Variants in MYH15 observed in about 807,000 individuals in gnomAD.
The protein encoded by MYH15 is myosin heavy chain 15, also known as myosin-15.
Under a neutral mutation model 240.5 loss-of-function variants are expected in MYH15, and 227 were observed. The ratio of observed to expected loss-of-function variants is 0.94; its 90% CI spans 0.85 to 1.05. The LOEUF (loss-of-function observed/expected upper bound fraction) is 1.05, where lower values mean the gene tolerates loss of function less well. Among genes scored for constraint, MYH15 ranks in the 50% least tolerant of loss-of-function variants. The pLI is 0.00. For missense variants in MYH15, 2,217 were observed against 2,247.5 expected (o/e 0.99, Z 0.27); for synonymous variants, 785 against 796.7 (o/e 0.99, Z 0.25).
the MYH15 span, among the ~76,000 whole-genome samples, chr3:108,544,160 T>C: frequency 6.6e-5 from 10 of 152,208 alleles, no homozygotes; most frequent in African/African-American, 2.4e-4. Flanking sequence ...AGACAAGTTC[T>C]TTGCATGTTA....
At chr3:108,411,407 G>A (rs1339477206) in intron 30 of MYH15, among the ~76,000 whole-genome samples, 1 of 152,106 alleles carries the variant, frequency 6.6e-6, no homozygotes, top group Non-Finnish European at 1.5e-5. Context: ...CTCTCATCAT[G>A]TGGCTCCTCA....
At chr3:108,477,849 T>C (rs1268792173) in intron 11 of MYH15, among the ~76,000 whole-genome samples, 2 of 152,046 alleles carry the variant, frequency 1.3e-5, no homozygotes, top group Non-Finnish European at 2.9e-5. Context: ...GAAAAGTAAA[T>C]AGGCATGTAT....
intron 28 of MYH15, among the ~76,000 whole-genome samples, chr3:108,417,880 T>C (rs1315378768): frequency 1.3e-5 from 2 of 152,110 alleles, no homozygotes; most frequent in African/African-American, 4.8e-5. Flanking sequence ...CATGCATATA[T>C]CTTTTTATAA....
At chr3:108,472,471 T>G (rs1321142588) in intron 12 of MYH15, among the ~76,000 whole-genome samples, 1 of 152,172 alleles carries the variant, frequency 6.6e-6, no homozygotes, top group East Asian at 1.9e-4. Flanking sequence ...TCCACAGTAA[T>G]CCATAAGCCG....
chr3:108,529,176 C>G, intron 1 of MYH15: 1 of 1,278,580 alleles, frequency 7.8e-7, no homozygotes, highest in Non-Finnish European at 1.1e-6. Context: ...TGATTAAGAC[C>G]ATCAAGAATA....
upstream of MYH15, among the ~76,000 whole-genome samples, chr3:108,513,865 C>T (rs2083539193): frequency 6.6e-6 from 1 of 152,206 alleles, no homozygotes; most frequent in African/African-American, 2.4e-5. Flanking sequence ...TCATCATGTA[C>T]ATGACATAAT....
intron 1 of MYH15, among the ~76,000 whole-genome samples, chr3:108,525,997 T>C (rs1255600871): frequency 1.3e-5 from 2 of 151,942 alleles, no homozygotes; most frequent in African/African-American, 2.4e-5. Context: ...AGTAGTGATA[T>C]GGAAAAAAAA....
At chr3:108,390,784 CTT>C (rs1460404691) in intron 37 of MYH15, among the ~76,000 whole-genome samples, 1 of 151,982 alleles carries the variant, frequency 6.6e-6, no homozygotes, top group African/African-American at 2.4e-5. Flanking sequence ...GAGTTTTTTT[CTT>C]TGACTTAAAC....
At chr3:108,523,018 A>C (rs1361530517) in intron 1 of MYH15, among the ~76,000 whole-genome samples, 1 of 152,102 alleles carries the variant, frequency 6.6e-6, no homozygotes, top group Non-Finnish European at 1.5e-5. Context: ...GAACAAGAAC[A>C]TTTGCGAAAG....
At chr3:108,513,585 AT>A (rs1362731304), upstream of MYH15, among the ~76,000 whole-genome samples, 1 of 152,062 alleles carries the variant, frequency 6.6e-6, no homozygotes, top group Non-Finnish European at 1.5e-5. Context: ...ACCTGGACCT[AT>A]TTTTTCTTAC....
chr3:108,449,924 T>C (rs954233571), intron 21 of MYH15, among the ~76,000 whole-genome samples: 1 of 152,002 alleles, frequency 6.6e-6, no homozygotes, highest in African/African-American at 2.4e-5. Flanking sequence ...GATAGACATT[T>C]CTCAAAAGAC....
At position 108,427,639 on chromosome 3, in the gene MYH15, G is replaced by C. The variant is rs200259190; in HGVS notation, c.3702+853C>G. ...CACAACACACACACACACACACAGAGAGAGAGAGAGAGAGAGAAAGAGAGA... is the reference window on the plus strand; with the variant it reads ...CACAACACACACACACACACACAGACAGAGAGAGAGAGAGAGAAAGAGAGA... On this transcript the variant is annotated intron_variant, in intron 27 of 40. Transcript: ENST00000693548. 3.9e-3 allele frequency among the ~76,000 whole-genome samples: 399 copies of C among 102,754 alleles called. 3 individuals carry two copies. The highest frequency in any genetic ancestry group is 0.012 in the African/African-American group (355 of 30,622). 67.4% of individuals were successfully genotyped at this position (102,754 alleles called of 152,430 possible).
At chr3:108,443,632 G>A (rs116726312) in intron 22 of MYH15, among the ~76,000 whole-genome samples, 19 of 152,144 alleles carry the variant, frequency 1.2e-4, no homozygotes, top group African/African-American at 4.3e-4. Flanking sequence ...GTAATGACAC[G>A]TTAGCATCAT....
At chr3:108,525,635 T>C (rs1391977314) in intron 1 of MYH15, among the ~76,000 whole-genome samples, 1 of 152,150 alleles carries the variant, frequency 6.6e-6, no homozygotes, top group Admixed American at 6.6e-5. Flanking sequence ...CGAGTGGCTG[T>C]ATTCAAATGA....
intron 31 of MYH15, 57 bp downstream of exon 31, chr3:108,410,526 C>T: frequency 7.7e-7 from 1 of 1,297,120 alleles, no homozygotes; most frequent in Non-Finnish European, 1.1e-6. Flanking sequence ...TGCCTGTAGC[C>T]AGGGCTCTTC....
At chr3:108,388,842 A>T in intron 38 of MYH15, 128 bp downstream of exon 38, 1 of 705,442 alleles carries the variant, frequency 1.4e-6, no homozygotes, top group Non-Finnish European at 2.4e-6. Context: ...GTCAGTGTCT[A>T]CTGCTGAAGG....
rs931734979 is a variant in MYH15, at chr3:108,421,615, C to A, written c.3703-401G>T. Among the ~76,000 whole-genome samples the A allele has an allele frequency of 3.3e-5, 5 of 151,934 alleles. No homozygotes were observed. In the South Asian group the frequency reaches 6.2e-4, roughly 19 times the overall value. On this transcript the variant is annotated intron_variant, in intron 27 of 40. Coordinates refer to ENST00000693548, the MANE Select transcript of MYH15 (RefSeq NM_014981.3). The stretch of plus-strand genomic sequence containing the variant: ...GTAGAGATCCAGTTTAAAGATATAC[C>A]CCCTATTGTATAGAATAGTGCCTGG...
chr3:108,393,248 C>T (rs2082433638), intron 36 of MYH15, among the ~76,000 whole-genome samples: 1 of 152,176 alleles, frequency 6.6e-6, no homozygotes, highest in Admixed American at 6.5e-5. Context: ...TGCACAAAAG[C>T]TCTTGATGGA....
upstream of MYH15, among the ~76,000 whole-genome samples, chr3:108,511,014 A>G (rs2083518964): frequency 6.6e-6 from 1 of 152,080 alleles, no homozygotes; most frequent in African/African-American, 2.4e-5. Context: ...AAGTGCCTGT[A>G]GTCAGTGAAA....
Sources: gnomAD v4.1 joint callset for allele counts (sites outside exome capture counted in the v4.1 genomes callset) on GRCh38, gnomAD v4.1.1 for gene constraint, MANE v1.5 for transcripts, NCBI Gene and HGNC (gene_info 2026-07-23, HGNC 2026-07-21) for gene names.